STAB2: variants seen among roughly 807,000 people sequenced by gnomAD.
STAB2 encodes the protein stabilin-2.
STAB2 carries 288 observed loss-of-function variants against 338.1 expected under a neutral mutation model. The ratio of observed to expected loss-of-function variants is 0.85; its 90% confidence interval spans 0.77 to 0.94. The LOEUF (loss-of-function observed/expected upper bound fraction) is 0.94, where lower values mean the gene tolerates loss of function less well. STAB2 is among the 40% of genes least tolerant of loss of function. STAB2 has a pLI of 0.00. For synonymous variants in STAB2, 1,202 were observed against 1,193.3 expected, an observed-to-expected ratio of 1.01 and a Z score of -0.15; for missense variants, 3,141 against 3,210.1, an observed-to-expected ratio of 0.98 and a Z score of 0.52.
At chr12:103,629,936 T>G (rs1957434616) in intron 5 of STAB2, among the ~76,000 whole-genome samples, 1 of 152,200 alleles carries the variant, frequency 6.6e-6, no homozygotes, top group African/African-American at 2.4e-5. Context: ...GAATGAATCA[T>G]CCCACATGCT....
At chr12:103,750,802 C>T in intron 60 of STAB2, 82 bp downstream of exon 60, 1 of 1,474,200 alleles carries the variant, frequency 6.8e-7, no homozygotes, top group Non-Finnish European at 9.0e-7. Context: ...AGAAGAAAAA[C>T]AAAACAGGCC....
At chr12:103,706,409 T>G (rs1383323854) in intron 37 of STAB2, among the ~76,000 whole-genome samples, 1 of 152,102 alleles carries the variant, frequency 6.6e-6, no homozygotes, top group East Asian at 1.9e-4. Context: ...GTAGACGAAA[T>G]AACATCGATG....
intron 44 of STAB2, 89 bp downstream of exon 44, chr12:103,717,930 C>A: frequency 7.4e-7 from 1 of 1,359,878 alleles, no homozygotes; most frequent in Non-Finnish European, 1.0e-6. Flanking sequence ...AGTTGAGGAA[C>A]TCTTCCTCTG....
chr12:103,758,128 C>T (rs1884270582), intron 63 of STAB2, 42 bp from the exon 64 acceptor site: 1 of 1,612,696 alleles, frequency 6.2e-7, no homozygotes, highest in African/African-American at 1.3e-5. Flanking sequence ...GGTCCCTGCA[C>T]ACCAGGGCTG....
At chr12:103,690,124 C>A in intron 29 of STAB2, 142 bp downstream of exon 29, 1 of 1,232,044 alleles carries the variant, frequency 8.1e-7, no homozygotes, top group Non-Finnish European at 1.1e-6. Context: ...TCCTCCCACC[C>A]CAGGATAGTA....
At chr12:103,750,450 G>C in intron 59 of STAB2, 129 bp from the exon 60 acceptor site, 1 of 1,169,646 alleles carries the variant, frequency 8.5e-7, no homozygotes, top group Non-Finnish European at 1.2e-6. Flanking sequence ...ATTCCCACTG[G>C]ACAGGAAAGG....
At chr12:103,654,763 A>T (rs1874047707) in intron 13 of STAB2, 65 bp downstream of exon 13, 2 of 1,560,000 alleles carry the variant, frequency 1.3e-6, no homozygotes, top group Non-Finnish European at 1.7e-6. Context: ...GGAGAGTCAC[A>T]TCCAGAGCAT....
intron 50 of STAB2, among the ~76,000 whole-genome samples, chr12:103,732,642 C>CA (rs1881723157): frequency 6.6e-6 from 1 of 151,996 alleles, no homozygotes; most frequent in African/African-American, 2.4e-5. Context: ...CCCATCTCTA[C>CA]AAAAATACCA....
At chr12:103,591,935 C>T (rs574765557) in intron 2 of STAB2, among the ~76,000 whole-genome samples, 5 of 152,048 alleles carry the variant, frequency 3.3e-5, no homozygotes, top group Non-Finnish European at 7.3e-5. Context: ...CTTTTAATTC[C>T]GGATGGAAGG....
chr12:103,665,950 C>G (rs1051939398), intron 18 of STAB2, among the ~76,000 whole-genome samples: 1 of 152,226 alleles, frequency 6.6e-6, no homozygotes, highest in Non-Finnish European at 1.5e-5. Context: ...TCAATAACTG[C>G]AATGTCCCCT....
In STAB2 at chr12:103,702,009, CA is replaced by C. The variant is rs772844270; in HGVS notation, c.3715-1138del. On this transcript the variant is annotated intron_variant, in intron 34 of 68. Coordinates refer to ENST00000388887, the MANE Select transcript of STAB2 (RefSeq NM_017564.10). The stretch of plus-strand genomic sequence containing the variant: ...ACACACACACACACACACACACACA[CA>C]CACACACACACACCCCACCCCAATT... Among the ~76,000 whole-genome samples the C allele has an allele frequency of 4.3e-4, 63 of 145,470 alleles. 1 individual carries two copies. The highest frequency in any genetic ancestry group is 1.6e-3 in the African/African-American group (60 of 38,130).
Position 103,705,650 on chromosome 12 carries a change from T to C in STAB2, c.3919T>C (p.Cys1307Arg), listed in dbSNP as rs768981013. Residue 1307 changes from cysteine to arginine, a missense_variant, in exon 37 of 69, where the codon TGC becomes CGC. Cys to Arg is a radical substitution (Grantham distance 180). Coordinates refer to ENST00000388887, the MANE Select transcript of STAB2 (RefSeq NM_017564.10). ...TTCACAGGGTAATGAGAAGAGGAGA[T>C]GCATCTATACCTCCTATTTCATGGG... ...TKSLGNEKRR[C>R]IYTSYFMGRR... The C allele has an allele frequency of 6.2e-7, 1 of 1,614,198 alleles. No individual in the cohort carries two copies. The highest frequency in any genetic ancestry group is 8.5e-7 in the Non-Finnish European group (1 of 1,180,018).
intron 44 of STAB2, among the ~76,000 whole-genome samples, chr12:103,722,803 A>G (rs959842688): frequency 6.6e-6 from 1 of 152,120 alleles, no homozygotes; most frequent in African/African-American, 2.4e-5. Flanking sequence ...GTATGATCTG[A>G]TAGAGGGGAG....
In STAB2 at chr12:103,648,783, A is replaced by G. The variant is rs774483750; in HGVS notation, c.1134A>G (p.Gly378=). ...GAGAATTAAATACTGAACCCAGAGGAAAATGGCAAGGAAGGCTGACCTCTT... is the reference window on the plus strand; with the variant it reads ...GAGAATTAAATACTGAACCCAGAGGGAAATGGCAAGGAAGGCTGACCTCTT... ...RLRELNTEPR[G]KWQGRLTSFI... Residue 378 remains glycine, a synonymous_variant, in exon 10 of 69, where the codon GGA becomes GGG. Transcript: ENST00000388887. 1 of 1,614,064 alleles carries G rather than the reference A, an allele frequency of 6.2e-7. No individual in the cohort carries two copies. Among genetic ancestry groups the G allele is most frequent in the East Asian group, 2.2e-5 (1 of 44,872 alleles).
rs1207559835 is a variant in STAB2, at chr12:103,706,916, G to A, written c.4121G>A (p.Cys1374Tyr). The change falls in exon 38 of 69, where the codon TGT becomes TAT. Residue 1374 changes from cysteine to tyrosine, a missense_variant. Coordinates refer to ENST00000388887, the MANE Select transcript of STAB2 (RefSeq NM_017564.10). ...GTGAATGGCACAGGTGTGTGTGAGT[G>A]TGGGGAGGGCTTCAGCGGCACAGCC... ...DGVNGTGVCE[C>Y]GEGFSGTACE... 2 of 1,614,238 alleles carry A rather than the reference G, an allele frequency of 1.2e-6. No homozygotes were observed. Among genetic ancestry groups the A allele is most frequent in the Admixed American group, 3.3e-5 (2 of 60,034 alleles).
chr12:103,756,296 G>T (rs1884097505), intron 63 of STAB2, among the ~76,000 whole-genome samples: 1 of 152,218 alleles, frequency 6.6e-6, no homozygotes, highest in Non-Finnish European at 1.5e-5. Context: ...ACTGATCAAA[G>T]AACTGACCTA....
At chr12:103,661,217 CAAAAAAAAA>C (rs10548393) in intron 17 of STAB2, among the ~76,000 whole-genome samples, 3 of 106,108 alleles carry the variant, frequency 2.8e-5, no homozygotes, top group African/African-American at 7.1e-5. Context: ...GAGTTCCAGA[CAAAAAAAAA>C]AAAAAAAAAA....
chr12:103,713,723 T>C lies in STAB2; in HGVS notation c.4492T>C (p.Cys1498Arg). ...CKRTTPGRRV[C>R]TCKAGYTGDG... Reference sequence around the variant, plus strand: ...GAGAACCACCCCAGGAAGGCGAGTGTGCACGTGCAAAGCAGGCTACACGGG... The same window carrying C: ...GAGAACCACCCCAGGAAGGCGAGTGCGCACGTGCAAAGCAGGCTACACGGG... The change falls in exon 42 of 69, where the codon TGC (cysteine) becomes CGC (arginine). Residue 1498 changes from cysteine to arginine, a missense_variant. Transcript: ENST00000388887. 2 of 1,614,110 alleles carry C rather than the reference T, an allele frequency of 1.2e-6. No individual in the cohort carries two copies. The highest frequency in any genetic ancestry group is 1.7e-6 in the Non-Finnish European group (2 of 1,179,964).
rs992534305 is a variant in STAB2, at chr12:103,664,237, G to A, written c.2022+1239G>A. ...CTGCTCACTGCAAGCTCTGCCTCCC[G>A]GGTTCATGCCATTCTCCTGCCTCAG... is the stretch of plus-strand genomic sequence containing the variant. On this transcript the variant is annotated intron_variant, in intron 18 of 68. Transcript: ENST00000388887. Among the ~76,000 whole-genome samples, 4 of 152,220 alleles carry A rather than the reference G, an allele frequency of 2.6e-5. No homozygotes were observed. In the East Asian group the frequency reaches 5.8e-4, roughly 22 times the overall value.
Sources: allele counts gnomAD v4.1 joint callset (sites outside exome capture counted in the v4.1 genomes callset), GRCh38; gene constraint gnomAD v4.1.1; transcripts MANE v1.5; gene names NCBI Gene and HGNC (gene_info 2026-07-23, HGNC 2026-07-21).